ME3: variants seen among roughly 807,000 people sequenced by gnomAD.
The protein encoded by ME3 is malic enzyme 3.
ME3 carries 48 observed loss-of-function variants against 68.9 expected under a neutral mutation model. The ratio of observed to expected loss-of-function variants is 0.70; its 90% CI spans 0.55 to 0.89. The LOEUF (loss-of-function observed/expected upper bound fraction) is 0.89, where lower values mean the gene tolerates loss of function less well. Ranked by LOEUF, ME3 falls within the 40% of genes least tolerant of loss-of-function variation. The pLI is 0.00. For synonymous variants in ME3, 320 were observed against 318.8 expected, an observed-to-expected ratio of 1.00 and a Z score of -0.04; for missense variants, 675 against 797.4, an observed-to-expected ratio of 0.85 and a Z score of 1.85.
chr11:86,651,027 G>A (rs937431040), intron 2 of ME3, among the ~76,000 whole-genome samples: 2 of 152,244 alleles, frequency 1.3e-5, no homozygotes, highest in African/African-American at 4.8e-5. Context: ...CAAACTGCAA[G>A]GTGGCAGCGA....
intron 4 of ME3, among the ~76,000 whole-genome samples, chr11:86,525,935 G>C (rs1289849317): frequency 6.6e-6 from 1 of 151,762 alleles, no homozygotes; most frequent in Non-Finnish European, 1.5e-5. Context: ...ACAGCTCCCA[G>C]CGTGAGCAAC....
intron 4 of ME3, among the ~76,000 whole-genome samples, chr11:86,532,865 G>T (rs1484222543): frequency 7.9e-5 from 12 of 152,178 alleles, no homozygotes; most frequent in African/African-American, 2.9e-4. Context: ...TTCCAGACCA[G>T]CCTGGCCAAC....
Position 86,568,276 on chromosome 11 carries a change from G to A in ME3, c.184-8453C>T, listed in dbSNP as rs780853906. Reference sequence around the variant, plus strand: ...CACTGCTCTGACCTCTCCAAGTCAGGTGTAGTCCCCACCTGCTCTGGATTC... The same window carrying A: ...CACTGCTCTGACCTCTCCAAGTCAGATGTAGTCCCCACCTGCTCTGGATTC... On this transcript the variant is annotated intron_variant, in intron 2 of 14. Transcript: ENST00000543262. Among the ~76,000 whole-genome samples, 4 of 152,236 alleles carry A rather than the reference G, an allele frequency of 2.6e-5. No individual in the cohort carries two copies. In the East Asian group the frequency reaches 5.8e-4, roughly 22 times the overall value.
chr11:86,645,391 C>A (rs563060500), intron 2 of ME3, among the ~76,000 whole-genome samples: 1 of 152,240 alleles, frequency 6.6e-6, no homozygotes, highest in Admixed American at 6.5e-5. Flanking sequence ...GGGTGTCCAC[C>A]ATTTCTGATG....
intron 5 of ME3, among the ~76,000 whole-genome samples, chr11:86,500,298 AT>A (rs1952634958): frequency 6.6e-6 from 1 of 152,226 alleles, no homozygotes; most frequent in African/African-American, 2.4e-5. Flanking sequence ...CCAGGCTGTT[AT>A]CCCCACAACC....
exon 13 of ME3, chr11:86,446,468 C>A: frequency 6.2e-7 from 1 of 1,614,246 alleles, no homozygotes. Flanking sequence ...AGGACTTCCA[C>A]TGGCAAAAAT....
intron 2 of ME3, among the ~76,000 whole-genome samples, chr11:86,622,042 A>G (rs1450497339): frequency 6.6e-6 from 1 of 152,018 alleles, no homozygotes; most frequent in African/African-American, 2.4e-5. Context: ...TAGCCTCATC[A>G]GGCCTCAGCG....
intron 2 of ME3, among the ~76,000 whole-genome samples, chr11:86,616,800 TGTG>T (rs1420270433): frequency 1.3e-5 from 2 of 152,154 alleles, no homozygotes; most frequent in Non-Finnish European, 2.9e-5. Context: ...CCAAATGTAA[TGTG>T]GTACCTTGGA....
chr11:86,527,571 G>T (rs112777378), intron 4 of ME3, among the ~76,000 whole-genome samples: 50,217 of 151,978 alleles, frequency 0.33, 8,647 homozygotes, highest in South Asian at 0.43. Context: ...CACCAAAGTT[G>T]AAATGAAGGA....
intron 4 of ME3, among the ~76,000 whole-genome samples, chr11:86,548,587 A>G (rs1956495038): frequency 6.6e-6 from 1 of 152,206 alleles, no homozygotes; most frequent in Non-Finnish European, 1.5e-5. Flanking sequence ...CTTGTCAGAA[A>G]ATGAAAAGTA....
chr11:86,607,120 T>C (rs1187603419), intron 2 of ME3, among the ~76,000 whole-genome samples: 1 of 152,226 alleles, frequency 6.6e-6, no homozygotes, highest in Non-Finnish European at 1.5e-5. Context: ...AGTTTATGAC[T>C]AAGTGCAGCA....
At chr11:86,475,870 TATATAGAGAGAGAG>T (rs1440828081) in intron 7 of ME3, among the ~76,000 whole-genome samples, 2 of 106,504 alleles carry the variant, frequency 1.9e-5, no homozygotes, top group African/African-American at 4.0e-5. Context: ...TATATATATA[TATATAGAGAGAGAG>T]AGAGAGAGAG....
rs568764161 is a variant in ME3, at chr11:86,650,156, T to C, written c.183+21606A>G. ...CAGAGACCTCAGAAATAATACCACA[T>C]ATCTACAACCATCTGATCTTTGACA... On this transcript the variant is annotated intron_variant, in intron 2 of 14. Transcript: ENST00000543262. Among the ~76,000 whole-genome samples, 123 of 152,196 alleles carry C rather than the reference T, an allele frequency of 8.1e-4. 4 individuals are homozygous for C. In the South Asian group the frequency reaches 0.025, roughly 31 times the overall value.
chr11:86,538,209 A>G (rs1337783976), intron 4 of ME3, among the ~76,000 whole-genome samples: 2 of 152,178 alleles, frequency 1.3e-5, no homozygotes, highest in Admixed American at 1.3e-4. Context: ...CTGAGTTTTA[A>G]CAATATAGGA....
intron 7 of ME3, among the ~76,000 whole-genome samples, chr11:86,468,797 A>C (rs1194415238): frequency 6.6e-6 from 1 of 152,222 alleles, no homozygotes; most frequent in Non-Finnish European, 1.5e-5. Context: ...AATGGTAAAA[A>C]AAATAGCTAG....
At chr11:86,446,433 C>T in exon 13 of ME3, 1 of 1,614,220 alleles carries the variant, frequency 6.2e-7, no homozygotes, top group Non-Finnish European at 8.5e-7. Context: ...AAGGTCTTGC[C>T]ATCTTCCAGA....
chr11:86,569,009 A>G (rs1957634663), intron 2 of ME3, among the ~76,000 whole-genome samples: 1 of 152,232 alleles, frequency 6.6e-6, no homozygotes, highest in Non-Finnish European at 1.5e-5. Flanking sequence ...AGTGCTGCCC[A>G]TTTCATGTGT....
At chr11:86,533,274 AAGAG>A (rs1376770944) in intron 4 of ME3, among the ~76,000 whole-genome samples, 1 of 152,202 alleles carries the variant, frequency 6.6e-6, no homozygotes, top group Non-Finnish European at 1.5e-5. Context: ...CTATGAAAAA[AAGAG>A]AGAAGACTCA....
At chr11:86,556,692 G>A in exon 4 of ME3, 1 of 1,614,094 alleles carries the variant, frequency 6.2e-7, no homozygotes, top group Non-Finnish European at 8.5e-7. Context: ...AGTGTCATGA[G>A]AATGATGTAC....
Sources: allele counts gnomAD v4.1 joint callset (sites outside exome capture counted in the v4.1 genomes callset), GRCh38; gene constraint gnomAD v4.1.1; transcripts MANE v1.5; gene names NCBI Gene and HGNC (gene_info 2026-07-23, HGNC 2026-07-21).